The following ABCB1 variants were observed in gnomAD, a reference collection of about 807,000 sequenced individuals.
ABCB1 encodes the protein ATP-dependent translocase ABCB1.
A neutral mutation model predicts 142.0 loss-of-function variants in ABCB1; 69 were observed. The ratio of observed to expected loss-of-function variants is 0.49; its 90% CI spans 0.40 to 0.59. The LOEUF is 0.59. ABCB1 is among the 20% of genes least tolerant of loss of function. ABCB1 has a pLI of 0.00. For synonymous variants in ABCB1, 532 were observed against 539.2 expected, an observed-to-expected ratio of 0.99 and a Z score of 0.18; for missense variants, 1,326 against 1,554.7, an observed-to-expected ratio of 0.85 and a Z score of 2.47.
chr7:87,521,071 T>C (rs529855881), intron 21 of ABCB1, 195 bp from the exon 22 acceptor site: 8 of 568,334 alleles, frequency 1.4e-5, no homozygotes, highest in Middle Eastern at 4.9e-4. Context: ...GATTGACTAA[T>C]TCAAACTTCT....
intron 1 of ABCB1, among the ~76,000 whole-genome samples, chr7:87,618,140 G>A (rs1049782431): frequency 3.3e-5 from 5 of 152,088 alleles, no homozygotes; most frequent in African/African-American, 1.2e-4. Context: ...GGGCCCTGTT[G>A]ACATTATCTT....
chr7:87,709,273 A>T (rs761364947), intron 1 of ABCB1: 124 of 985,246 alleles, frequency 1.3e-4, no homozygotes, highest in Non-Finnish European at 1.3e-4. Flanking sequence ...TCTGGAGAGC[A>T]ACTTTCTTGA....
rs56871767 is a variant in ABCB1, at chr7:87,549,399, C to A, written c.1674G>T (p.Thr558=). 1.2e-6 allele frequency: 2 copies of A among 1,614,192 alleles called. No individual in the cohort carries two copies. The highest frequency in any genetic ancestry group is 3.3e-5 in the Admixed American group (2 of 60,034). Reference sequence around the variant, plus strand: ...CTTCGCTTTCTGTGTCCAAGGCTGACGTGGCCTCATCCAGCAGGAGGATCT... The same window carrying A: ...CTTCGCTTTCTGTGTCCAAGGCTGAAGTGGCCTCATCCAGCAGGAGGATCT... ...NPKILLLDEA[T]SALDTESEAV... The change falls in exon 14 of 28, where the codon ACG becomes ACT. Residue 558 remains threonine, a synonymous_variant. Transcript: ENST00000622132.
chr7:87,607,090 T>C (rs28381792), intron 1 of ABCB1, among the ~76,000 whole-genome samples: 1,829 of 152,246 alleles, frequency 0.012, 37 homozygotes, highest in African/African-American at 0.042. Context: ...GAGATAGAGA[T>C]TCTCCTTAAG....
intron 1 of ABCB1, among the ~76,000 whole-genome samples, chr7:87,661,263 A>C (rs1585031036): frequency 6.6e-6 from 1 of 152,066 alleles, no homozygotes; most frequent in South Asian, 2.1e-4. Flanking sequence ...CATTACAAAC[A>C]ATTCAATTAT....
At chr7:87,631,400 T>C (rs1289573568) in intron 1 of ABCB1, among the ~76,000 whole-genome samples, 1 of 152,222 alleles carries the variant, frequency 6.6e-6, no homozygotes, top group Middle Eastern at 3.2e-3. Flanking sequence ...TTTTTATTTA[T>C]TTATTTTTGA....
chr7:87,682,231 T>C (rs1826996029), intron 1 of ABCB1, among the ~76,000 whole-genome samples: 1 of 152,234 alleles, frequency 6.6e-6, no homozygotes, highest in Admixed American at 6.5e-5. Context: ...CAATGACTCC[T>C]TCCACCAAAG....
intron 1 of ABCB1, among the ~76,000 whole-genome samples, chr7:87,712,658 G>A (rs1830192301): frequency 6.6e-6 from 1 of 151,956 alleles, no homozygotes; most frequent in Admixed American, 6.6e-5. Context: ...ATATTTAAAG[G>A]AAATGCTTTC....
intron 1 of ABCB1, among the ~76,000 whole-genome samples, chr7:87,645,466 C>G (rs1408605277): frequency 6.6e-6 from 1 of 152,074 alleles, no homozygotes; most frequent in Non-Finnish European, 1.5e-5. Context: ...AGAGACATTT[C>G]AAAAACTGCA....
chr7:87,536,133 A>G (rs113764224), intron 20 of ABCB1, among the ~76,000 whole-genome samples: 48 of 152,306 alleles, frequency 3.2e-4, no homozygotes, highest in African/African-American at 1.1e-3. Flanking sequence ...AATTAAATAC[A>G]TCCTTTCTTC....
At chr7:87,701,768 C>T (rs1046941199) in intron 1 of ABCB1, among the ~76,000 whole-genome samples, 1 of 152,096 alleles carries the variant, frequency 6.6e-6, no homozygotes. Context: ...TCAACCAAAA[C>T]AACACATTGT....
intron 1 of ABCB1, chr7:87,693,828 G>A (rs1828233053): frequency 1.5e-6 from 2 of 1,347,808 alleles, no homozygotes; most frequent in African/African-American, 2.9e-5. Context: ...TCTTAGTTGG[G>A]CTATTCAGTT....
intron 1 of ABCB1, among the ~76,000 whole-genome samples, chr7:87,615,478 G>A (rs1488934356): frequency 6.6e-6 from 1 of 152,188 alleles, no homozygotes. Flanking sequence ...AACCATTGAA[G>A]AGTTTGGAGC....
At chr7:87,534,917 T>TAA (rs139364527) in intron 20 of ABCB1, among the ~76,000 whole-genome samples, 13,154 of 91,480 alleles carry the variant, frequency 0.14, 1,063 homozygotes, top group African/African-American at 0.23. Flanking sequence ...CCTGTCTCTT[T>TAA]AAAAAAAAAA....
intron 1 of ABCB1, among the ~76,000 whole-genome samples, chr7:87,663,783 T>G (rs1192822197): frequency 6.6e-6 from 1 of 152,110 alleles, no homozygotes; most frequent in African/African-American, 2.4e-5. Flanking sequence ...GGATGAGAAG[T>G]CCAAGATCAA....
At chr7:87,699,730 C>A (rs1828850340) in intron 1 of ABCB1, among the ~76,000 whole-genome samples, 1 of 152,108 alleles carries the variant, frequency 6.6e-6, no homozygotes, top group Non-Finnish European at 1.5e-5. Flanking sequence ...ACTAATATAA[C>A]CTATGCACAA....
At chr7:87,621,442 CTGTT>C (rs1451984644) in intron 1 of ABCB1, among the ~76,000 whole-genome samples, 3 of 152,076 alleles carry the variant, frequency 2.0e-5, no homozygotes, top group South Asian at 2.1e-4. Flanking sequence ...TAAGTATTGA[CTGTT>C]TGGAAAAATT....
intron 7 of ABCB1, among the ~76,000 whole-genome samples, chr7:87,565,047 TC>T (rs1411610416): frequency 6.6e-6 from 1 of 152,206 alleles, no homozygotes; most frequent in East Asian, 1.9e-4. Flanking sequence ...CCTGAGAACT[TC>T]AGTTTCTTTC....
At chr7:87,595,312 G>C (rs1284425533) in intron 3 of ABCB1, among the ~76,000 whole-genome samples, 1 of 152,082 alleles carries the variant, frequency 6.6e-6, no homozygotes, top group African/African-American at 2.4e-5. Flanking sequence ...TTTATTGTTA[G>C]TAATGGATTT....
Sources: gnomAD v4.1 joint callset for allele counts (sites outside exome capture counted in the v4.1 genomes callset) on GRCh38, gnomAD v4.1.1 for gene constraint, MANE v1.5 for transcripts, NCBI Gene and HGNC (gene_info 2026-07-23, HGNC 2026-07-21) for gene names.